GLT8D2: variants seen among roughly 807,000 people sequenced by gnomAD.
The protein encoded by GLT8D2 is glycosyltransferase 8 domain-containing protein 2.
Under a neutral mutation model 44.5 loss-of-function variants are expected in GLT8D2, and 45 were observed. The ratio of observed to expected loss-of-function variants is 1.01; its 90% confidence interval spans 0.80 to 1.30. GLT8D2 has a LOEUF of 1.30. Among genes scored for constraint, GLT8D2 ranks in the 50% most tolerant of loss-of-function variants. The pLI is 0.00. For missense variants in GLT8D2, 400 were observed against 430.4 expected (o/e 0.93, Z 0.62); for synonymous variants, 156 against 157.2 (o/e 0.99, Z 0.06).
At chr12:104,051,891 G>A (rs1339043124), upstream of GLT8D2, among the ~76,000 whole-genome samples, 1 of 151,824 alleles carries the variant, frequency 6.6e-6, no homozygotes, top group Non-Finnish European at 1.5e-5. Flanking sequence ...TTCATTTAAG[G>A]TAATGGATAT....
At chr12:104,026,234 A>G in intron 1 of GLT8D2, among the ~76,000 whole-genome samples, 1 of 149,800 alleles carries the variant, frequency 6.7e-6, no homozygotes, top group South Asian at 2.1e-4. Context: ...AGCCGAGATC[A>G]CACCACTGCC....
Position 104,003,269 on chromosome 12 carries a change from C to G in GLT8D2, c.150G>C (p.Glu50Asp). ...ESETPEELEEEIPVVICAAAG... is the reference protein window; with the variant it reads ...ESETPEELEEDIPVVICAAAG... ...CTGCAGCACAAATCACCACAGGAAT[C>G]TCTTCTTCCAGTTCTTCAGGAGTCT... The change falls in exon 5 of 11, where the codon GAG becomes GAC. Residue 50 changes from glutamate (E) to aspartate (D), a missense_variant. Glu to Asp is a conservative substitution (Grantham distance 45). Coordinates refer to ENST00000360814, the MANE Select transcript of GLT8D2 (RefSeq NM_001384711.1). The G allele has an allele frequency of 1.2e-6, 2 of 1,614,140 alleles. No homozygotes were observed. The highest frequency in any genetic ancestry group is 1.7e-6 in the Non-Finnish European group (2 of 1,180,008).
intron 1 of GLT8D2, among the ~76,000 whole-genome samples, chr12:104,035,784 G>A (rs1054205413): frequency 6.6e-6 from 1 of 152,112 alleles, no homozygotes; most frequent in African/African-American, 2.4e-5. Flanking sequence ...ACCTAGCAAG[G>A]CAGGCCAACA....
At chr12:104,058,826 T>G (rs34309392) in intron 1 of GLT8D2, among the ~76,000 whole-genome samples, 2,717 of 152,224 alleles carry the variant, frequency 0.018, 36 homozygotes, top group Middle Eastern at 0.027. Context: ...CAATAGAGCT[T>G]TCTATAACAC....
chr12:104,016,864 AAG>A (rs1213397446), intron 3 of GLT8D2, among the ~76,000 whole-genome samples: 58 of 151,158 alleles, frequency 3.8e-4, no homozygotes, highest in Middle Eastern at 3.4e-3. Context: ...GAAAGAAAGA[AAG>A]AAAGAAAGAA....
chr12:104,050,956 A>C (rs1881663041), upstream of GLT8D2, among the ~76,000 whole-genome samples: 1 of 150,006 alleles, frequency 6.7e-6, no homozygotes, highest in South Asian at 2.1e-4. Flanking sequence ...CTGGGATTAC[A>C]GGCGCCCACC....
chr12:104,028,671 C>CA (rs1159499979), intron 1 of GLT8D2, among the ~76,000 whole-genome samples: 1 of 151,960 alleles, frequency 6.6e-6, no homozygotes, highest in African/African-American at 2.4e-5. Flanking sequence ...GTAATTCAGG[C>CA]AAAAAACCTC....
chr12:104,012,732 A>C (rs1359888360), intron 4 of GLT8D2: 1 of 674,824 alleles, frequency 1.5e-6, no homozygotes, highest in East Asian at 2.7e-5. Flanking sequence ...AGCTTCCAGC[A>C]TCTCAGGATG....
rs143793123 is a variant in GLT8D2, at chr12:104,018,591, C to T, written c.19+1039G>A. 2.2e-3 allele frequency among the ~76,000 whole-genome samples: 333 copies of T among 152,208 alleles called. 3 individuals carry two copies. Among genetic ancestry groups the T allele is most frequent in the African/African-American group, 6.9e-3 (286 of 41,532 alleles). ...AGGCCCGATTAATATTCACCTGCCA[C>T]GGCCGGGCGCAGTGCCTCACACCTG... On this transcript the variant is annotated intron_variant, in intron 3 of 10. Coordinates refer to ENST00000360814, the MANE Select transcript of GLT8D2 (RefSeq NM_001384711.1).
chr12:104,006,283 G>A (rs1875003571), intron 4 of GLT8D2, among the ~76,000 whole-genome samples: 1 of 151,858 alleles, frequency 6.6e-6, no homozygotes, highest in Non-Finnish European at 1.5e-5. Context: ...TGTAAATGAC[G>A]AGTTAATGTG....
At chr12:103,994,146 C>T (rs960871479) in intron 9 of GLT8D2, 189 bp downstream of exon 9, 1 of 431,834 alleles carries the variant, frequency 2.3e-6, no homozygotes, top group Non-Finnish European at 4.0e-6. Context: ...ATCTTGATTC[C>T]TCTGATTTAT....
chr12:104,008,994 G>T (rs988741655), intron 4 of GLT8D2, among the ~76,000 whole-genome samples: 1 of 152,254 alleles, frequency 6.6e-6, no homozygotes, highest in Non-Finnish European at 1.5e-5. Flanking sequence ...TTTGCTGCAG[G>T]GGCGGGGGCC....
At chr12:104,011,249 T>A (rs1483585659) in intron 4 of GLT8D2, among the ~76,000 whole-genome samples, 2 of 152,236 alleles carry the variant, frequency 1.3e-5, no homozygotes, top group African/African-American at 4.8e-5. Context: ...TTATTTGGAT[T>A]CATTGTACCA....
At chr12:103,995,294 T>A (rs1196351441) in intron 8 of GLT8D2, among the ~76,000 whole-genome samples, 1 of 152,170 alleles carries the variant, frequency 6.6e-6, no homozygotes, top group Non-Finnish European at 1.5e-5. Flanking sequence ...TGGCCTGCCA[T>A]ACCCTATATC....
At chr12:104,020,413 C>A (rs1361911843) in intron 2 of GLT8D2, among the ~76,000 whole-genome samples, 1 of 152,104 alleles carries the variant, frequency 6.6e-6, no homozygotes, top group African/African-American at 2.4e-5. Context: ...CTTGGAGGGG[C>A]ATGCATTATA....
chr12:104,061,012 C>G (rs1882600569), intron 1 of GLT8D2, among the ~76,000 whole-genome samples: 1 of 152,040 alleles, frequency 6.6e-6, no homozygotes, highest in Non-Finnish European at 1.5e-5. Context: ...GATTCATTGA[C>G]AAGTCAAGGG....
intron 4 of GLT8D2, among the ~76,000 whole-genome samples, chr12:104,008,379 C>T (rs1196854589): frequency 2.6e-5 from 4 of 152,094 alleles, no homozygotes; most frequent in African/African-American, 7.2e-5. Flanking sequence ...TTGCCCTGCC[C>T]TAGGGATTTG....
chr12:103,997,987 T>G (rs1364318861), intron 6 of GLT8D2, among the ~76,000 whole-genome samples: 2 of 151,476 alleles, frequency 1.3e-5, no homozygotes. Flanking sequence ...GCTCAACCTT[T>G]TAGCTCCTTG....
chr12:103,999,125 A>T (rs1028743091), intron 6 of GLT8D2, among the ~76,000 whole-genome samples: 1 of 151,710 alleles, frequency 6.6e-6, no homozygotes, highest in Non-Finnish European at 1.5e-5. Flanking sequence ...TCCAGCTCCC[A>T]CCCCCACAGA....
Sources: gnomAD v4.1 joint callset for allele counts (sites outside exome capture counted in the v4.1 genomes callset) on GRCh38, gnomAD v4.1.1 for gene constraint, MANE v1.5 for transcripts, NCBI Gene and HGNC (gene_info 2026-07-23, HGNC 2026-07-21) for gene names.